The following TTC9 variants were observed in gnomAD, a reference collection of about 807,000 sequenced individuals.
TTC9 encodes the protein tetratricopeptide repeat domain 9.
Under a neutral mutation model 22.9 loss-of-function variants are expected in TTC9, and 13 were observed. That is an observed-to-expected ratio of 0.57 (90% CI 0.37 to 0.90). The LOEUF (loss-of-function observed/expected upper bound fraction) is 0.90. TTC9 is among the 40% of genes least tolerant of loss of function. The pLI is 0.01. For synonymous variants in TTC9, 148 were observed against 133.2 expected, an observed-to-expected ratio of 1.11 and a Z score of -0.77; for missense variants, 280 against 291.8, an observed-to-expected ratio of 0.96 and a Z score of 0.29.
intron 1 of TTC9, among the ~76,000 whole-genome samples, chr14:70,655,494 C>T (rs1353934297): frequency 6.6e-6 from 1 of 152,082 alleles, no homozygotes; most frequent in Non-Finnish European, 1.5e-5. Context: ...TATTTCCTTG[C>T]CGTTTTTCTT....
intron 1 of TTC9, among the ~76,000 whole-genome samples, chr14:70,654,317 G>A (rs9652367): frequency 0.32 from 48,310 of 151,828 alleles, 8,056 homozygotes; most frequent in African/African-American, 0.4. Context: ...CTGCCCGGGA[G>A]TGGTGGCTTA....
intron 1 of TTC9, among the ~76,000 whole-genome samples, chr14:70,647,413 T>G (rs1478262449): frequency 6.6e-6 from 1 of 152,236 alleles, no homozygotes; most frequent in Non-Finnish European, 1.5e-5. Flanking sequence ...GTCATCATTT[T>G]CAGCATGAGT....
intron 1 of TTC9, among the ~76,000 whole-genome samples, chr14:70,662,668 C>A (rs1886161010): frequency 6.6e-6 from 1 of 152,216 alleles, no homozygotes. Context: ...AAATTTAGAT[C>A]TCTCATTTTG....
chr14:70,668,576 C>T (rs1047965608), intron 2 of TTC9, among the ~76,000 whole-genome samples: 4 of 152,174 alleles, frequency 2.6e-5, no homozygotes, highest in African/African-American at 4.8e-5. Flanking sequence ...GGGCGCTGGG[C>T]GTGGTGGCTC....
At chr14:70,666,063 C>G (rs914726401) in intron 1 of TTC9, among the ~76,000 whole-genome samples, 5 of 151,884 alleles carry the variant, frequency 3.3e-5, no homozygotes, top group African/African-American at 1.2e-4. Flanking sequence ...CATACTTTGC[C>G]GTTGGTCAAT....
chr14:70,654,459 T>C (rs1216068032), intron 1 of TTC9, among the ~76,000 whole-genome samples: 1 of 150,530 alleles, frequency 6.6e-6, no homozygotes, highest in Non-Finnish European at 1.5e-5. Flanking sequence ...GGCGTGGCGG[T>C]ATATGCTTGT....
At chr14:70,670,938 C>T in intron 2 of TTC9, 138 bp from the exon 3 acceptor site, 1 of 694,486 alleles carries the variant, frequency 1.4e-6, no homozygotes, top group South Asian at 1.9e-5. Flanking sequence ...CTCTCAGCCA[C>T]CATGGATAGG....
rs538327497 is a variant in TTC9 at position 70,666,362 on chromosome 14, C to G, written c.407-1202C>G. 2.6e-5 allele frequency among the ~76,000 whole-genome samples: 4 copies of G among 152,274 alleles called. No individual in the cohort carries two copies. The South Asian group carries it at 8.3e-4, about 32-fold the overall frequency. Reference sequence around the variant, plus strand: ...TTCCTCTTGCCTGGGACACCTAGGTCTCTCATGTCCAGACATGTGGCTTGT... The same window carrying G: ...TTCCTCTTGCCTGGGACACCTAGGTGTCTCATGTCCAGACATGTGGCTTGT... On this transcript the variant is annotated intron_variant, in intron 1 of 2. Transcript: ENST00000256367.
chr14:70,670,329 T>C (rs1886274597), intron 2 of TTC9, among the ~76,000 whole-genome samples: 1 of 152,208 alleles, frequency 6.6e-6, no homozygotes, highest in South Asian at 2.1e-4. Flanking sequence ...TCATGAAGGT[T>C]AGAAACCTGG....
In TTC9 at chr14:70,667,661, C is replaced by A; in HGVS notation, c.504C>A (p.Tyr168Ter). The A allele has an allele frequency of 6.2e-7, 1 of 1,613,946 alleles. No individual in the cohort carries two copies. The highest frequency in any genetic ancestry group is 8.5e-7 in the Non-Finnish European group (1 of 1,179,878). ...AAGGGGAGAACTTCAAGGCCCTTTA[C>A]CGGTCTGGTGTGGCCTTCTACCACC... Reference protein sequence around the residue: ...KKEGENFKALYRSGVAFYHLG... With the variant: ...KKEGENFKAL Residue 168 changes from tyrosine to a stop codon, truncating the protein, a stop_gained, in exon 2 of 3, where the codon TAC (tyrosine) becomes TAA (stop). Transcript: ENST00000256367. LOFTEE classifies it high-confidence loss of function.
chr14:70,667,283 G>A (rs1341244107), intron 1 of TTC9, among the ~76,000 whole-genome samples: 1 of 152,188 alleles, frequency 6.6e-6, no homozygotes, highest in African/African-American at 2.4e-5. Context: ...ACATTCTTGT[G>A]TACTGCAGGT....
intron 2 of TTC9, among the ~76,000 whole-genome samples, chr14:70,669,901 G>A (rs1008523226): frequency 6.6e-6 from 1 of 152,138 alleles, no homozygotes; most frequent in East Asian, 1.9e-4. Flanking sequence ...TCACTCTTAT[G>A]TTATGGTGTG....
At chr14:70,663,818 T>A (rs970882297) in intron 1 of TTC9, among the ~76,000 whole-genome samples, 29 of 152,318 alleles carry the variant, frequency 1.9e-4, no homozygotes, top group African/African-American at 7.0e-4. Flanking sequence ...GAAGGGAGTT[T>A]CCACAGATGA....
chr14:70,648,506 G>A (rs557406688), intron 1 of TTC9, among the ~76,000 whole-genome samples: 1 of 152,182 alleles, frequency 6.6e-6, no homozygotes, highest in East Asian at 1.9e-4. Flanking sequence ...CCCCTCCAAG[G>A]CAAGGAAATT....
At position 70,642,205 on chromosome 14, in the gene TTC9, C is replaced by G. The variant is rs1366357287; in HGVS notation, c.76C>G (p.Pro26Ala). Residue 26 changes from proline (P) to alanine (A), a missense_variant, in exon 1 of 3, where the codon CCG becomes GCG. Around this residue, in one of 5 missense-constraint regions of TTC9, gnomAD observed 49 missense variants for 39.8 expected, o/e 1.23. Transcript: ENST00000256367. ...PPAAGEGQRPPPPLCVPGGGG... is the reference protein window; with the variant it reads ...PPAAGEGQRPAPPLCVPGGGG... Reference sequence around the variant, plus strand: ...CGCGGCCGGAGAGGGGCAGCGGCCACCGCCGCCGCTGTGCGTCCCGGGCGG... The same window carrying G: ...CGCGGCCGGAGAGGGGCAGCGGCCAGCGCCGCCGCTGTGCGTCCCGGGCGG... 1 of 1,253,118 alleles carries G rather than the reference C, an allele frequency of 8.0e-7. No individual in the cohort carries two copies. The highest frequency in any genetic ancestry group is 1.0e-6 in the Non-Finnish European group (1 of 996,042). The allele number at this position is 1,253,118 out of a possible 1,614,324, so 77.6% of individuals were successfully genotyped here.
intron 1 of TTC9, among the ~76,000 whole-genome samples, chr14:70,652,476 C>T (rs992017626): frequency 1.3e-5 from 2 of 152,202 alleles, no homozygotes; most frequent in African/African-American, 4.8e-5. Flanking sequence ...TGCTGTATCT[C>T]CCTAGATTAT....
chr14:70,670,973 C>A, intron 2 of TTC9, 103 bp from the exon 3 acceptor site: 1 of 1,120,562 alleles, frequency 8.9e-7, no homozygotes, highest in Non-Finnish European at 1.3e-6. Context: ...GTTGAGTGAG[C>A]CTGGCCTGTT....
Position 70,642,146 on chromosome 14 carries a change from C to G in TTC9, c.17C>G (p.Ser6Trp). The change falls in exon 1 of 3, where the codon TCG becomes TGG. Residue 6 changes from serine to tryptophan, a missense_variant. Transcript: ENST00000256367. Reference sequence around the variant, plus strand: ...GGCGGCCGAATGGAGAGAAAGGGCTCGGCGGCCGGGGCCAAGGGGAACCCG... The same window carrying G: ...GGCGGCCGAATGGAGAGAAAGGGCTGGGCGGCCGGGGCCAAGGGGAACCCG... MERKG[S>W]AAGAKGNPSP... The G allele has an allele frequency of 1.7e-6, 2 of 1,163,020 alleles. No individual in the cohort carries two copies. Among genetic ancestry groups the G allele is most frequent in the Non-Finnish European group, 2.1e-6 (2 of 938,758 alleles). The allele number at this position is 1,163,020 out of a possible 1,614,324, so 72.0% of individuals were successfully genotyped here.
At position 70,642,087 on chromosome 14, in the gene TTC9, C is replaced by G; in HGVS notation, c.-43C>G. 9.6e-7 allele frequency: 1 copy of G among 1,043,004 alleles called. No individual in the cohort carries two copies. The highest frequency in any genetic ancestry group is 1.2e-6 in the Non-Finnish European group (1 of 868,772). The allele number at this position is 1,043,004 out of a possible 1,614,324, so 64.6% of individuals were successfully genotyped here. On this transcript the variant is annotated 5_prime_UTR_variant, in exon 1 of 3. Transcript: ENST00000256367. ...GAAGGCGCGGCGGCGGCGGCGGCGG[C>G]GGGCAGATCGCGGCGCGCACCAGGC... is the stretch of plus-strand genomic sequence containing the variant.
Sources: allele counts gnomAD v4.1 joint callset (sites outside exome capture counted in the v4.1 genomes callset), GRCh38; gene constraint gnomAD v4.1.1; regional missense constraint gnomAD v4.1.1; transcripts MANE v1.5; gene names NCBI Gene and HGNC (gene_info 2026-07-23, HGNC 2026-07-21).